The following CCDC80 variants were observed in gnomAD, a reference collection of about 807,000 sequenced individuals.
CCDC80 encodes the protein coiled-coil domain containing 80, also known as coiled-coil domain-containing protein 80.
In CCDC80, 49 loss-of-function variants were observed where a neutral mutation model predicts 78.7. The ratio of observed to expected loss-of-function variants is 0.62; its 90% confidence interval spans 0.50 to 0.79. The LOEUF (loss-of-function observed/expected upper bound fraction) is 0.79. CCDC80 is among the 30% of genes least tolerant of loss of function. CCDC80 has a pLI of 0.00. For missense variants in CCDC80, 1,205 were observed against 1,198.6 expected (o/e 1.01, Z -0.08); for synonymous variants, 488 against 447.0 (o/e 1.09, Z -1.16).
intron 5 of CCDC80, among the ~76,000 whole-genome samples, chr3:112,613,706 G>A (rs942172887): frequency 2.6e-5 from 4 of 152,116 alleles, no homozygotes; most frequent in Non-Finnish European, 5.9e-5. Flanking sequence ...CTGGTTTTAA[G>A]TAACATCAAT....
Position 112,605,623 on chromosome 3 carries a change from T to C in CCDC80, c.2647A>G (p.Met883Val), listed in dbSNP as rs369343049. ...GNVKSWYPSP[M>V]WSMVIVYDLI... ...TCGTACACAATCACCATGGACCACA[T>C]TGGGGAAGGATACCAGGATTTGACA... is the stretch of plus-strand genomic sequence containing the variant. Residue 883 changes from methionine to valine, a missense_variant, in exon 8 of 8, where the codon ATG becomes GTG. Transcript: ENST00000206423. 32 of 1,614,098 alleles carry C rather than the reference T, an allele frequency of 2.0e-5. No individual in the cohort carries two copies. In the Middle Eastern group the frequency reaches 6.6e-4, roughly 33 times the overall value.
At chr3:112,609,885 A>G in intron 6 of CCDC80, 93 bp downstream of exon 6, 2 of 896,412 alleles carry the variant, frequency 2.2e-6, no homozygotes, top group South Asian at 1.6e-5. Flanking sequence ...ACTAGGAATC[A>G]TTTTGAATGA....
chr3:112,619,061 T>C lies in CCDC80; in HGVS notation c.2079A>G (p.Val693=). 6.2e-7 allele frequency: 1 copy of C among 1,607,388 alleles called. No homozygotes were observed. The highest frequency in any genetic ancestry group is 1.7e-5 in the Admixed American group (1 of 58,140). The part of the protein sequence containing the change: ...PMRVVDDEDL[V]DQRLISELRK... ...TCAGCTCGCTGATGAGACGCTGGTCTACCAAGTCTTCATCATCCACCACTC... is the reference window on the plus strand; with the variant it reads ...TCAGCTCGCTGATGAGACGCTGGTCCACCAAGTCTTCATCATCCACCACTC... The change falls in exon 4 of 8, where the codon GTA becomes GTG. Residue 693 remains valine, a synonymous_variant. Coordinates refer to ENST00000206423, the MANE Select transcript of CCDC80 (RefSeq NM_199511.3).
rs1935424500 is a variant in CCDC80, at chr3:112,604,099, T to C, written c.*1318A>G. ...TTATGAATGAACGAAGAAAGTGATT[T>C]CTTGAGATGGAATCTACTCGCGTAA... On this transcript the variant is annotated 3_prime_UTR_variant, in exon 8 of 8. Coordinates refer to ENST00000206423, the MANE Select transcript of CCDC80 (RefSeq NM_199511.3). 6.6e-6 allele frequency: 1 copy of C among 152,246 alleles called. No homozygotes were observed. The highest frequency in any genetic ancestry group is 1.5e-5 in the Non-Finnish European group (1 of 68,050). The allele number at this position is 152,246 out of a possible 1,614,324, so 9.4% of individuals were successfully genotyped here. A position where few individuals can be genotyped will look rare whatever the true frequency, so the allele number is the denominator to read the frequency against.
At chr3:112,616,075 C>A (rs1051303587) in intron 5 of CCDC80, among the ~76,000 whole-genome samples, 16 of 152,140 alleles carry the variant, frequency 1.1e-4, no homozygotes, top group African/African-American at 3.9e-4. Context: ...TGGATTGGGA[C>A]CCCTGTCCTG....
At position 112,639,259 on chromosome 3, in the gene CCDC80, G is replaced by GGGTCCAGGGGCT. The variant is rs1161984452; in HGVS notation, c.635_646dup (p.Gln212_Asp215dup). On this transcript the variant is annotated inframe_insertion, in exon 2 of 8. Transcript: ENST00000206423. ...GCTCATCAGCTTAGGGATGAGGCTAGGGTCCAGGGGCTGCTCCAGGATCTG... is the reference window on the plus strand; with the variant it reads ...GCTCATCAGCTTAGGGATGAGGCTAGGGTCCAGGGGCTGGTCCAGGGGCTGCTCCAGGATCTG... 1.2e-6 allele frequency: 2 copies of GGGTCCAGGGGCT among 1,614,056 alleles called. No homozygotes were observed. The highest frequency in any genetic ancestry group is 1.7e-6 in the Non-Finnish European group (2 of 1,180,030).
chr3:112,612,953 T>C (rs374179549), intron 5 of CCDC80, among the ~76,000 whole-genome samples: 1 of 151,722 alleles, frequency 6.6e-6, no homozygotes, highest in Non-Finnish European at 1.5e-5. Flanking sequence ...TCTTCCTGGA[T>C]GGCAAAGTTC....
rs1367878738 is a variant in CCDC80, at chr3:112,601,396, A to T, written c.*4021T>A. On this transcript the variant is annotated 3_prime_UTR_variant, in exon 8 of 8. Coordinates refer to ENST00000206423, the MANE Select transcript of CCDC80 (RefSeq NM_199511.3). ...AATTAATGATTAATAACAGTGGAAA[A>T]TAGCCTTCCCATTATTGTTAGAGGA... 1.3e-5 allele frequency: 2 copies of T among 152,240 alleles called. No individual in the cohort carries two copies. The highest frequency in any genetic ancestry group is 3.8e-4 in the East Asian group (2 of 5,204). The allele number at this position is 152,240 out of a possible 1,614,324, so 9.4% of individuals were successfully genotyped here.
chr3:112,638,093 T>C lies in CCDC80; in HGVS notation c.1813A>G (p.Thr605Ala). The C allele has an allele frequency of 6.2e-7, 1 of 1,614,096 alleles. No homozygotes were observed. Among genetic ancestry groups the C allele is most frequent in the South Asian group, 1.1e-5 (1 of 91,056 alleles). Reference protein sequence around the residue: ...GYQKPTNKHFTQSPKKSVADL... With the variant: ...GYQKPTNKHFAQSPKKSVADL... Reference sequence around the variant, plus strand: ...GCCACTGACTTCTTGGGACTCTGCGTGAAGTGTTTGTTGGTGGGTTTCTGA... The same window carrying C: ...GCCACTGACTTCTTGGGACTCTGCGCGAAGTGTTTGTTGGTGGGTTTCTGA... The change falls in exon 2 of 8, where the codon ACG (threonine) becomes GCG (alanine). Residue 605 changes from threonine (T) to alanine (A), a missense_variant. Coordinates refer to ENST00000206423, the MANE Select transcript of CCDC80 (RefSeq NM_199511.3).
In CCDC80 at chr3:112,597,235, A is replaced by G. The variant is rs867280760; in HGVS notation, c.*8182T>C. On this transcript the variant is annotated 3_prime_UTR_variant, in exon 8 of 8. Coordinates refer to ENST00000206423, the MANE Select transcript of CCDC80 (RefSeq NM_199511.3). ...CTGGTCTAATTAAACCATAGTCTTCATATACCTTTACCACGCCTCCTTCCT... is the reference window on the plus strand; with the variant it reads ...CTGGTCTAATTAAACCATAGTCTTCGTATACCTTTACCACGCCTCCTTCCT... 6.6e-6 allele frequency: 1 copy of G among 152,210 alleles called. No individual in the cohort carries two copies. The highest frequency in any genetic ancestry group is 1.5e-5 in the Non-Finnish European group (1 of 68,036). 9.4% of individuals were successfully genotyped at this position (152,210 alleles called of 1,614,324 possible). A position where few individuals can be genotyped will look rare whatever the true frequency, so the allele number is the denominator to read the frequency against.
At position 112,638,448 on chromosome 3, in the gene CCDC80, C is replaced by G; in HGVS notation, c.1458G>C (p.Lys486Asn). 6.2e-7 allele frequency: 1 copy of G among 1,612,424 alleles called. No homozygotes were observed. Among genetic ancestry groups the G allele is most frequent in the Non-Finnish European group, 8.5e-7 (1 of 1,179,792 alleles). The change falls in exon 2 of 8, where the codon AAG becomes AAC. Residue 486 changes from lysine (K) to asparagine (N), a missense_variant. Transcript: ENST00000206423. ...TTTTGGGAGGTTTCTCCTTTGCTGG[C>G]TTGGGAGGACCTGGCACCACATTTG... ...RDPNVVPGPP[K>N]PAKEKPPKKK...
At chr3:112,621,258 A>G (rs1935861281) in intron 3 of CCDC80, among the ~76,000 whole-genome samples, 1 of 152,146 alleles carries the variant, frequency 6.6e-6, no homozygotes, top group Non-Finnish European at 1.5e-5. Flanking sequence ...GGGCTTATAC[A>G]TTAGGGATTG....
chr3:112,601,104 C>A lies in CCDC80; in HGVS notation c.*4313G>T, dbSNP rs1031696036. Reference sequence around the variant, plus strand: ...GAACTGAGTTCTAAAGTCACTTGAGCTTTCTGGAGCTCAGTTACCTGTAAA... The same window carrying A: ...GAACTGAGTTCTAAAGTCACTTGAGATTTCTGGAGCTCAGTTACCTGTAAA... On this transcript the variant is annotated 3_prime_UTR_variant, in exon 8 of 8. Coordinates refer to ENST00000206423, the MANE Select transcript of CCDC80 (RefSeq NM_199511.3). 6.6e-6 allele frequency: 1 copy of A among 152,138 alleles called. No homozygotes were observed. Among genetic ancestry groups the A allele is most frequent in the African/African-American group, 2.4e-5 (1 of 41,430 alleles). 9.4% of individuals were successfully genotyped at this position (152,138 alleles called of 1,614,324 possible).
intron 3 of CCDC80, among the ~76,000 whole-genome samples, chr3:112,626,506 T>G (rs1407852971): frequency 2.6e-5 from 4 of 152,220 alleles, no homozygotes; most frequent in African/African-American, 9.6e-5. Context: ...TATTTTAGAC[T>G]GATTTGTATA....
rs774693764 is a variant in CCDC80 at position 112,604,587 on chromosome 3, T to A, written c.*830A>T. 1 of 152,322 alleles carries A rather than the reference T, an allele frequency of 6.6e-6. No individual in the cohort carries two copies. The highest frequency in any genetic ancestry group is 1.5e-5 in the Non-Finnish European group (1 of 68,114). 9.4% of individuals were successfully genotyped at this position (152,322 alleles called of 1,614,324 possible). On this transcript the variant is annotated 3_prime_UTR_variant, in exon 8 of 8. Transcript: ENST00000206423. Reference sequence around the variant, plus strand: ...TTGTGTGACTCACTTTATTGCGATATCCACTTTATTATGGTGGTCTGGAAC... The same window carrying A: ...TTGTGTGACTCACTTTATTGCGATAACCACTTTATTATGGTGGTCTGGAAC...
At chr3:112,628,578 G>T (rs1289056060) in intron 3 of CCDC80, among the ~76,000 whole-genome samples, 1 of 152,096 alleles carries the variant, frequency 6.6e-6, no homozygotes, top group Non-Finnish European at 1.5e-5. Context: ...TAAGACTTAG[G>T]AGTAGCTTGC....
At chr3:112,627,866 G>GA (rs60731413) in intron 3 of CCDC80, among the ~76,000 whole-genome samples, 48,835 of 119,798 alleles carry the variant, frequency 0.41, 9,779 homozygotes, top group East Asian at 0.59. Context: ...CAATAAGGCA[G>GA]AAAAAAAAAA....
In CCDC80 at chr3:112,597,493, ATT is replaced by A. The variant is rs1208217205; in HGVS notation, c.*7922_*7923del. 1 of 151,686 alleles carries A rather than the reference ATT, an allele frequency of 6.6e-6. No individual in the cohort carries two copies. Among genetic ancestry groups the A allele is most frequent in the Non-Finnish European group, 1.5e-5 (1 of 67,934 alleles). The allele number at this position is 151,686 out of a possible 1,614,324, so 9.4% of individuals were successfully genotyped here. On this transcript the variant is annotated 3_prime_UTR_variant, in exon 8 of 8. Transcript: ENST00000206423. ...ATTCTCTAGTTTCAATCTTGGTGAA[ATT>A]TTTTTCTATGAATTCATTACTTTTT...
At chr3:112,613,541 A>G (rs1395465398) in intron 5 of CCDC80, among the ~76,000 whole-genome samples, 1 of 152,186 alleles carries the variant, frequency 6.6e-6, no homozygotes, top group Non-Finnish European at 1.5e-5. Context: ...CAGGAGTATT[A>G]TAAGCTTTTG....
Sources: allele counts gnomAD v4.1 joint callset (sites outside exome capture counted in the v4.1 genomes callset), GRCh38; gene constraint gnomAD v4.1.1; transcripts MANE v1.5; gene names NCBI Gene and HGNC (gene_info 2026-07-23, HGNC 2026-07-21).